Variants in RNF220 observed in about 807,000 individuals in gnomAD.
RNF220 encodes the protein E3 ubiquitin-protein ligase RNF220.
A neutral mutation model predicts 67.1 loss-of-function variants in RNF220; 7 were observed. The observed-to-expected ratio is 0.10, with a 90% confidence interval of 0.06 to 0.20. RNF220 has a LOEUF of 0.20. RNF220 is among the 10% of genes least tolerant of loss of function. The probability of loss-of-function intolerance (pLI) is 1.00; values close to 1 mark genes in which losing one functional copy is unlikely to be tolerated. For missense variants in RNF220, 565 were observed against 740.3 expected, an observed-to-expected ratio of 0.76 and a Z score of 2.75; for synonymous variants, 270 against 283.2, an observed-to-expected ratio of 0.95 and a Z score of 0.47.
At chr1:44,648,174 T>G (rs1644700152) in intron 12 of RNF220, 1 of 152,250 alleles carries the variant, frequency 6.6e-6, no homozygotes, top group Non-Finnish European at 1.5e-5. Flanking sequence ...AGTTATTAGT[T>G]GATCATGGAA....
intron 2 of RNF220, among the ~76,000 whole-genome samples, chr1:44,466,137 CTTTG>C (rs990770584): frequency 2.0e-5 from 3 of 152,194 alleles, no homozygotes; most frequent in Non-Finnish European, 4.4e-5. Context: ...ATTCTAAATT[CTTTG>C]TTGTCATTTC....
chr1:44,413,248 C>G (rs768959715), intron 2 of RNF220, among the ~76,000 whole-genome samples: 1 of 152,144 alleles, frequency 6.6e-6, no homozygotes, highest in African/African-American at 2.4e-5. Context: ...ACAAAGGTGT[C>G]GTCAATCACC....
At chr1:44,452,924 C>G (rs1178726268) in intron 2 of RNF220, among the ~76,000 whole-genome samples, 1 of 152,190 alleles carries the variant, frequency 6.6e-6, no homozygotes, top group Non-Finnish European at 1.5e-5. Flanking sequence ...ATCAGAAACT[C>G]ATTAAATTTA....
At chr1:44,582,511 C>G (rs537738756) in intron 2 of RNF220, among the ~76,000 whole-genome samples, 1 of 152,124 alleles carries the variant, frequency 6.6e-6, no homozygotes, top group Non-Finnish European at 1.5e-5. Flanking sequence ...AATCCCAGCA[C>G]GTTGGGAGGC....
At chr1:44,484,600 C>T (rs1354108136) in intron 2 of RNF220, among the ~76,000 whole-genome samples, 1 of 152,022 alleles carries the variant, frequency 6.6e-6, no homozygotes, top group African/African-American at 2.4e-5. Flanking sequence ...AGGCTGGGCA[C>T]CAGGGGCTGA....
At chr1:44,465,462 C>A (rs1157887027) in intron 2 of RNF220, among the ~76,000 whole-genome samples, 1 of 149,488 alleles carries the variant, frequency 6.7e-6, no homozygotes, top group African/African-American at 2.5e-5. Context: ...TTTAGGTGGA[C>A]CCTCGCTATG....
chr1:44,514,774 G>A (rs1299052976), intron 2 of RNF220, among the ~76,000 whole-genome samples: 1 of 152,154 alleles, frequency 6.6e-6, no homozygotes, highest in East Asian at 1.9e-4. Context: ...TGAGCTCAAG[G>A]GAAGTACCCG....
At chr1:44,567,354 C>T (rs933362033) in intron 2 of RNF220, among the ~76,000 whole-genome samples, 1 of 152,096 alleles carries the variant, frequency 6.6e-6, no homozygotes, top group Non-Finnish European at 1.5e-5. Context: ...AGATTCCCAG[C>T]TGTGTATGAT....
intron 2 of RNF220, among the ~76,000 whole-genome samples, chr1:44,562,839 G>C (rs75905331): frequency 4.2e-4 from 64 of 152,294 alleles, no homozygotes; most frequent in African/African-American, 1.5e-3. Context: ...TCTCCCCGAA[G>C]TGTCCTCTTC....
At chr1:44,460,062 A>G (rs115426120) in intron 2 of RNF220, among the ~76,000 whole-genome samples, 64 of 152,328 alleles carry the variant, frequency 4.2e-4, no homozygotes, top group African/African-American at 1.4e-3. Flanking sequence ...GAATTAAGCC[A>G]GCAGCCACCC....
At chr1:44,619,673 C>T (rs1452968246) in intron 3 of RNF220, among the ~76,000 whole-genome samples, 1 of 152,110 alleles carries the variant, frequency 6.6e-6, no homozygotes, top group Non-Finnish European at 1.5e-5. Context: ...AGTGACTGAG[C>T]AAGGGAGGAA....
At chr1:44,580,637 AGGTGT>A (rs1665205014) in intron 2 of RNF220, among the ~76,000 whole-genome samples, 1 of 152,116 alleles carries the variant, frequency 6.6e-6, no homozygotes, top group Non-Finnish European at 1.5e-5. Context: ...CTGGCCTCGG[AGGTGT>A]TTGGGCAGGC....
intron 12 of RNF220, among the ~76,000 whole-genome samples, chr1:44,647,416 G>A (rs990853483): frequency 6.6e-6 from 1 of 152,188 alleles, no homozygotes; most frequent in African/African-American, 2.4e-5. Flanking sequence ...GAAGGAGCCT[G>A]CTGTTCGGAG....
intron 3 of RNF220, among the ~76,000 whole-genome samples, chr1:44,618,360 G>T (rs749089423): frequency 2.6e-5 from 4 of 152,220 alleles, no homozygotes; most frequent in Non-Finnish European, 5.9e-5. Flanking sequence ...TGTCCCATGG[G>T]TGTCATTCCC....
At chr1:44,471,262 C>T (rs773793555) in intron 2 of RNF220, among the ~76,000 whole-genome samples, 1 of 151,204 alleles carries the variant, frequency 6.6e-6, no homozygotes, top group South Asian at 2.1e-4. Flanking sequence ...CCCGTCTCTA[C>T]TAAAAATACA....
In RNF220 at chr1:44,541,719, C is replaced by T. The variant is rs987842213; in HGVS notation, c.626-72446C>T. Among the ~76,000 whole-genome samples, 8 of 152,182 alleles carry T rather than the reference C, an allele frequency of 5.3e-5. No homozygotes were observed. The East Asian group carries it at 7.7e-4, about 15-fold the overall frequency. On this transcript the variant is annotated intron_variant, in intron 2 of 14. Transcript: ENST00000361799. ...TGCTGCTTCTCAAGGCAGCCCAGGG[C>T]GCTGCAGAGCAGTTCTAGACAGCCA... is the stretch of plus-strand genomic sequence containing the variant.
chr1:44,406,384 CT>C (rs1174272838), intron 1 of RNF220, among the ~76,000 whole-genome samples: 4 of 152,242 alleles, frequency 2.6e-5, no homozygotes, highest in Non-Finnish European at 5.9e-5. Context: ...CACGTGGGAT[CT>C]CCCGGGATTT....
At chr1:44,562,304 C>G (rs977494254) in intron 2 of RNF220, among the ~76,000 whole-genome samples, 2 of 152,108 alleles carry the variant, frequency 1.3e-5, no homozygotes, top group African/African-American at 4.8e-5. Flanking sequence ...TCCAGGGGGA[C>G]CCGGAGCAGT....
chr1:44,606,915 A>C lies in RNF220; in HGVS notation c.626-7250A>C, dbSNP rs905872665. The stretch of plus-strand genomic sequence containing the variant: ...AGTGCCTACTCAGCATTTTCACATG[A>C]ATGTCTAATAGTTCCTCAAGCTAAG... On this transcript the variant is annotated intron_variant, in intron 2 of 14. Coordinates refer to ENST00000361799, the MANE Select transcript of RNF220 (RefSeq NM_018150.4). The surrounding 1 kb of genome is among the most constrained non-coding windows in gnomAD (Gnocchi z 4.2). Among the ~76,000 whole-genome samples, 1 of 152,130 alleles carries C rather than the reference A, an allele frequency of 6.6e-6. No homozygotes were observed. The highest frequency in any genetic ancestry group is 2.4e-5 in the African/African-American group (1 of 41,414).
Sources: allele counts gnomAD v4.1 joint callset (sites outside exome capture counted in the v4.1 genomes callset), GRCh38; gene constraint gnomAD v4.1.1; non-coding constraint Gnocchi (gnomAD v3.1); transcripts MANE v1.5; gene names NCBI Gene and HGNC (gene_info 2026-07-23, HGNC 2026-07-21).